The following ADAM10 variants were observed in gnomAD, a reference collection of about 807,000 sequenced individuals.
ADAM10 encodes disintegrin and metalloproteinase domain-containing protein 10.
ADAM10 carries 17 observed loss-of-function variants against 90.1 expected under a neutral mutation model. The observed-to-expected ratio is 0.19, with a 90% CI of 0.13 to 0.28. ADAM10 has a LOEUF of 0.28. ADAM10 is among the 10% of genes least tolerant of loss of function. The pLI is 1.00. For synonymous variants in ADAM10, 310 were observed against 298.6 expected (o/e 1.04, Z -0.40); for missense variants, 610 against 914.3 (o/e 0.67, Z 4.29).
intron 4 of ADAM10, among the ~76,000 whole-genome samples, chr15:58,670,078 T>G (rs1897160363): frequency 6.6e-6 from 1 of 152,050 alleles, no homozygotes; most frequent in Non-Finnish European, 1.5e-5. Flanking sequence ...TATTATAAAC[T>G]TTATATATAA....
rs375104952 is a variant in ADAM10 at position 58,717,530 on chromosome 15, T to A, written c.206+47A>T. The A allele has an allele frequency of 1.9e-6, 3 of 1,610,466 alleles. No homozygotes were observed. The East Asian group carries it at 6.7e-5, about 36-fold the overall frequency. On this transcript the variant is annotated intron_variant, in intron 2 of 15. Transcript: ENST00000260408. ...ATATAAATCTCCTCTTTAACTTAGA[T>A]TGAATATAGAGGAACTTCAGACACA...
intron 5 of ADAM10, among the ~76,000 whole-genome samples, chr15:58,664,870 G>A (rs1484988075): frequency 2.0e-5 from 3 of 152,002 alleles, no homozygotes; most frequent in Non-Finnish European, 4.4e-5. Flanking sequence ...GTAAAGGATA[G>A]TATATTTTAG....
chr15:58,672,149 CA>C (rs1333536724), intron 4 of ADAM10: 2 of 152,100 alleles, frequency 1.3e-5, no homozygotes, highest in Non-Finnish European at 2.9e-5. Flanking sequence ...AGTTGCTTTA[CA>C]ACATGAAAGC....
At chr15:58,630,080 T>A (rs755872561) in intron 9 of ADAM10, among the ~76,000 whole-genome samples, 1 of 152,158 alleles carries the variant, frequency 6.6e-6, no homozygotes, top group Non-Finnish European at 1.5e-5. Flanking sequence ...ACCCTCCATG[T>A]GTACAGTTAT....
intron 1 of ADAM10, among the ~76,000 whole-genome samples, chr15:58,728,957 G>A (rs964262110): frequency 6.6e-6 from 1 of 152,102 alleles, no homozygotes; most frequent in African/African-American, 2.4e-5. Context: ...GAACATTGGG[G>A]GAAACCAACA....
intron 9 of ADAM10, among the ~76,000 whole-genome samples, chr15:58,631,487 G>A (rs944979259): frequency 8.5e-5 from 13 of 152,172 alleles, no homozygotes; most frequent in Admixed American, 8.5e-4. Flanking sequence ...ATTCCCTACT[G>A]CAGTGTGGTT....
intron 6 of ADAM10, among the ~76,000 whole-genome samples, chr15:58,644,878 T>C (rs984170676): frequency 6.6e-6 from 1 of 152,192 alleles, no homozygotes; most frequent in Non-Finnish European, 1.5e-5. Flanking sequence ...AGGAGGGAGA[T>C]AATACAAATA....
chr15:58,672,813 G>A (rs1324375765), intron 4 of ADAM10: 4 of 126,220 alleles, frequency 3.2e-5, no homozygotes, highest in African/African-American at 1.5e-4. Flanking sequence ...AAAAAAAAGG[G>A]AGATGTCAAT....
chr15:58,693,966 T>C (rs770370259), intron 2 of ADAM10, among the ~76,000 whole-genome samples: 8 of 152,148 alleles, frequency 5.3e-5, no homozygotes, highest in Non-Finnish European at 2.9e-5. Flanking sequence ...GAAACCTACA[T>C]AACATCATTA....
chr15:58,713,325 C>T (rs2140809482), intron 2 of ADAM10, among the ~76,000 whole-genome samples: 1 of 152,188 alleles, frequency 6.6e-6, no homozygotes, highest in South Asian at 2.1e-4. Context: ...AGACTGGTCT[C>T]AAACTGCTGG....
rs1894776233 is a variant in ADAM10 at position 58,589,228 on chromosome 15, G to C, written c.*8319C>G. 6.6e-6 allele frequency: 1 copy of C among 152,220 alleles called. No individual in the cohort carries two copies. The highest frequency in any genetic ancestry group is 1.5e-5 in the Non-Finnish European group (1 of 68,044). 9.4% of individuals were successfully genotyped at this position (152,220 alleles called of 1,614,324 possible). ...GCCCAGTCCTGCAGAGGAATCGAGG[G>C]AAAGGGCAATCCAGGGAATAGGAAA... On this transcript the variant is annotated 3_prime_UTR_variant, in exon 16 of 16. Transcript: ENST00000260408.
intron 10 of ADAM10, 30 bp from the exon 11 acceptor site, chr15:58,621,651 A>G: frequency 6.2e-7 from 1 of 1,612,512 alleles, no homozygotes; most frequent in Non-Finnish European, 8.5e-7. Flanking sequence ...CAAAGTAAGC[A>G]TTGTGTGCAC....
intron 2 of ADAM10, among the ~76,000 whole-genome samples, chr15:58,712,313 G>A (rs1898500533): frequency 6.6e-6 from 1 of 151,956 alleles, no homozygotes; most frequent in Admixed American, 6.6e-5. Context: ...CCAGCTTTGG[G>A]AGGCCAAGGG....
Position 58,647,246 on chromosome 15 carries a change from G to GTTTTTTTTTTTTTT in ADAM10, c.586-1043_586-1042insAAAAAAAAAAAAAA, listed in dbSNP as rs1323960397. 1.5e-3 allele frequency among the ~76,000 whole-genome samples: 55 copies of GTTTTTTTTTTTTTT among 36,806 alleles called. 3 individuals are homozygous for GTTTTTTTTTTTTTT. Among genetic ancestry groups the GTTTTTTTTTTTTTT allele is most frequent in the Admixed American group, 3.4e-3 (12 of 3,486 alleles). 24.1% of individuals were successfully genotyped at this position (36,806 alleles called of 152,430 possible). A position where few individuals can be genotyped will look rare whatever the true frequency, so the allele number is the denominator to read the frequency against. On this transcript the variant is annotated intron_variant, in intron 5 of 15. Transcript: ENST00000260408. ...CTTGGCAGCAAAGAGTAGACACTAA[G>GTTTTTTTTTTTTTT]TATTTTTTTTTTTTTTTTTTTTTTT...
At chr15:58,721,124 C>A (rs1025377204) in intron 1 of ADAM10, among the ~76,000 whole-genome samples, 1 of 152,184 alleles carries the variant, frequency 6.6e-6, no homozygotes, top group Admixed American at 6.5e-5. Flanking sequence ...AAAAGCTCAA[C>A]GATTTACACA....
rs200508567 is a variant in ADAM10, at chr15:58,749,510, G to C, written c.25C>G (p.Leu9Val). The change falls in exon 1 of 16, where the codon CTG (leucine) becomes GTG (valine). Residue 9 changes from leucine to valine, a missense_variant. Around this residue, in one of 4 missense-constraint regions of ADAM10, gnomAD observed 310 missense variants for 362.4 expected, o/e 0.86. Coordinates refer to ENST00000260408, the MANE Select transcript of ADAM10 (RefSeq NM_001110.4). ...ATCCCCGCCGCCCAGGAGAGGAGCA[G>C]AATTAACACTCTCAGCAACACCATC... MVLLRVLI[L>V]LLSWAAGMGG... 515 of 1,554,644 alleles carry C rather than the reference G, an allele frequency of 3.3e-4. No individual in the cohort carries two copies. Among genetic ancestry groups the C allele is most frequent in the Middle Eastern group, 6.7e-4 (4 of 5,990 alleles).
At chr15:58,615,759 G>C (rs942800627) in intron 11 of ADAM10, among the ~76,000 whole-genome samples, 4 of 152,144 alleles carry the variant, frequency 2.6e-5, no homozygotes, top group African/African-American at 7.2e-5. Context: ...TGTAATGCCA[G>C]CACTTTGGGA....
intron 11 of ADAM10, among the ~76,000 whole-genome samples, chr15:58,621,177 C>T (rs1895772129): frequency 1.5e-5 from 2 of 137,906 alleles, no homozygotes; most frequent in African/African-American, 5.4e-5. Context: ...GTGGGAGGAT[C>T]AATTGAGCCC....
At chr15:58,745,138 G>A (rs191241420) in intron 1 of ADAM10, among the ~76,000 whole-genome samples, 5 of 152,284 alleles carry the variant, frequency 3.3e-5, no homozygotes, top group South Asian at 2.1e-4. Context: ...AGCCAAGATC[G>A]TGCCACTGCA....
Sources: gnomAD v4.1 joint callset for allele counts (sites outside exome capture counted in the v4.1 genomes callset) on GRCh38, gnomAD v4.1.1 for gene constraint, gnomAD v4.1.1 regional missense constraint, MANE v1.5 for transcripts, NCBI Gene and HGNC (gene_info 2026-07-23, HGNC 2026-07-21) for gene names.